MEF2B: variants seen among roughly 807,000 people sequenced by gnomAD.
MEF2B encodes myocyte-specific enhancer factor 2B.
A neutral mutation model predicts 32.2 loss-of-function variants in MEF2B; 15 were observed. That is an observed-to-expected ratio of 0.47 (90% confidence interval 0.31 to 0.72). MEF2B has a LOEUF of 0.72. Ranked by LOEUF, MEF2B falls within the 30% of genes least tolerant of loss-of-function variation. MEF2B has a pLI of 0.05. For missense variants in MEF2B, 441 were observed against 511.5 expected, an observed-to-expected ratio of 0.86 and a Z score of 1.33; for synonymous variants, 205 against 225.6, an observed-to-expected ratio of 0.91 and a Z score of 0.82.
chr19:19,156,579 A>G (rs1005655403), intron 1 of MEF2B, among the ~76,000 whole-genome samples: 3 of 152,170 alleles, frequency 2.0e-5, no homozygotes, highest in African/African-American at 7.2e-5. Flanking sequence ...TATTTTCTCA[A>G]ATCTCACAGA....
chr19:19,146,828 G>A lies in MEF2B; in HGVS notation c.589C>T (p.Pro197Ser), dbSNP rs2146351104. The A allele has an allele frequency of 2.5e-6, 4 of 1,613,824 alleles. No homozygotes were observed. The highest frequency in any genetic ancestry group is 3.4e-6 in the Non-Finnish European group (4 of 1,179,918). ...FSPSHLTSKT[P>S]PPLYLPTEGR... ...TCCGTCGGCAGGTACAGTGGGGGTG[G>A]TGTCTTGCTGGTGAGGTGGCTTGGT... is the stretch of plus-strand genomic sequence containing the variant. Residue 197 changes from proline to serine, a missense_variant, in exon 6 of 9, where the codon CCA (proline) becomes TCA (serine). Around this residue, in one of 2 missense-constraint regions of MEF2B, gnomAD observed 326 missense variants for 328.4 expected, o/e 0.99. Coordinates refer to ENST00000424583, the MANE Select transcript of MEF2B (RefSeq NM_001145785.2).
intron 1 of MEF2B, among the ~76,000 whole-genome samples, chr19:19,162,528 C>T (rs4471820): frequency 0.16 from 24,834 of 152,120 alleles, 2,314 homozygotes; most frequent in East Asian, 0.37. Flanking sequence ...GTGTTTGAAT[C>T]CAGGATTCTT....
Position 19,145,965 on chromosome 19 carries a change from G to T in MEF2B, c.939C>A (p.Thr313=). Reference sequence around the variant, plus strand: ...GCTCAGACTTGATGCTGACTGGGGGGGTCGGCGGGGAGGCGCCGCGGGTTG... The same window carrying T: ...GCTCAGACTTGATGCTGACTGGGGGTGTCGGCGGGGAGGCGCCGCGGGTTG... ...GPPTRGASPP[T]PPVSIKSERL... Residue 313 remains threonine, a synonymous_variant, in exon 9 of 9, where the codon ACC becomes ACA. Coordinates refer to ENST00000424583, the MANE Select transcript of MEF2B (RefSeq NM_001145785.2). This position sits in a 1 kb window ranked among gnomAD's most constrained non-coding sequence, Gnocchi z 4.6. 1 of 1,441,436 alleles carries T rather than the reference G, an allele frequency of 6.9e-7. No individual in the cohort carries two copies. The highest frequency in any genetic ancestry group is 9.1e-7 in the Non-Finnish European group (1 of 1,100,146). 89.3% of individuals were successfully genotyped at this position (1,441,436 alleles called of 1,614,324 possible).
chr19:19,168,268 CTTTTTTT>C (rs1050853160), intron 1 of MEF2B, among the ~76,000 whole-genome samples: 64 of 99,024 alleles, frequency 6.5e-4, no homozygotes, highest in African/African-American at 1.7e-3. Context: ...TTTCTTTCTT[CTTTTTTT>C]TTTTTTTTTT....
chr19:19,169,810 G>A (rs1313672828), intron 1 of MEF2B, among the ~76,000 whole-genome samples: 3 of 152,130 alleles, frequency 2.0e-5, no homozygotes, highest in Non-Finnish European at 2.9e-5. Context: ...ATAGGGTTGT[G>A]CACAGGGGAT....
At chr19:19,151,620 C>A (rs1248427535) in intron 1 of MEF2B, among the ~76,000 whole-genome samples, 1 of 152,192 alleles carries the variant, frequency 6.6e-6, no homozygotes, top group African/African-American at 2.4e-5. Context: ...CACCTCCCAG[C>A]CTCTACCATG....
Position 19,145,604 on chromosome 19 carries a change from T to G in MEF2B, c.*193A>C. 7.5e-7 allele frequency: 1 copy of G among 1,326,108 alleles called. No individual in the cohort carries two copies. Among genetic ancestry groups the G allele is most frequent in the Non-Finnish European group, 1.0e-6 (1 of 977,154 alleles). 82.1% of individuals were successfully genotyped at this position (1,326,108 alleles called of 1,614,324 possible). Reference sequence around the variant, plus strand: ...ACGCCACGCGCGTTTTATTTGTGGATATACACACAAATAGGAAGAAGGAAA... The same window carrying G: ...ACGCCACGCGCGTTTTATTTGTGGAGATACACACAAATAGGAAGAAGGAAA... On this transcript the variant is annotated 3_prime_UTR_variant, in exon 9 of 9. Coordinates refer to ENST00000424583, the MANE Select transcript of MEF2B (RefSeq NM_001145785.2). The surrounding 1 kb of genome is among the most constrained non-coding windows in gnomAD (Gnocchi z 4.6).
chr19:19,147,160 G>T lies in MEF2B; in HGVS notation c.417C>A (p.Ser139Arg). The change falls in exon 5 of 9, where the codon AGC becomes AGA. Residue 139 changes from serine to arginine, a missense_variant. By Grantham distance (110) the Ser-to-Arg change is moderately radical. Around this residue, in one of 2 missense-constraint regions of MEF2B, gnomAD observed 326 missense variants for 328.4 expected, o/e 0.99. Coordinates refer to ENST00000424583, the MANE Select transcript of MEF2B (RefSeq NM_001145785.2). ...RLYPAAPAMP[S>R]PDVVYGALPP... The stretch of plus-strand genomic sequence containing the variant: ...GTAAGGCCCCGTATACCACATCTGG[G>T]CTGGGCATAGCAGGAGCTGCAGGCT... 6.3e-7 allele frequency: 1 copy of T among 1,584,132 alleles called. No homozygotes were observed. Among genetic ancestry groups the T allele is most frequent in the Non-Finnish European group, 8.6e-7 (1 of 1,165,690 alleles).
intron 1 of MEF2B, among the ~76,000 whole-genome samples, chr19:19,152,251 C>G (rs2060088795): frequency 6.6e-6 from 1 of 151,634 alleles, no homozygotes; most frequent in African/African-American, 2.4e-5. Context: ...ATCCTACCCA[C>G]CCCATCTCTA....
intron 1 of MEF2B, among the ~76,000 whole-genome samples, chr19:19,161,452 A>G (rs549447012): frequency 6.6e-6 from 1 of 152,116 alleles, no homozygotes; most frequent in African/African-American, 2.4e-5. Context: ...AAATACATGC[A>G]GTTCACGATA....
At chr19:19,152,652 C>G (rs187355284) in intron 1 of MEF2B, among the ~76,000 whole-genome samples, 82 of 152,262 alleles carry the variant, frequency 5.4e-4, no homozygotes, top group African/African-American at 1.9e-3. Flanking sequence ...TGCAGTGAGC[C>G]GAGATCCCGA....
rs2060022241 is a variant in MEF2B at position 19,145,996 on chromosome 19, C to T, written c.908G>A (p.Gly303Asp). 2 of 1,431,748 alleles carry T rather than the reference C, an allele frequency of 1.4e-6. No homozygotes were observed. Among genetic ancestry groups the T allele is most frequent in the Non-Finnish European group, 1.8e-6 (2 of 1,093,918 alleles). The allele number at this position is 1,431,748 out of a possible 1,614,324, so 88.7% of individuals were successfully genotyped here. A position where few individuals can be genotyped will look rare whatever the true frequency, so the allele number is the denominator to read the frequency against. ...PSGGRSLGEE[G>D]PPTRGASPPT... is the part of the protein sequence containing the mutation. ...CGGGGAGGCGCCGCGGGTTGGGGGACCCTCCTCGCCCAGGCTTCGGCCCCC... is the reference window on the plus strand; with the variant it reads ...CGGGGAGGCGCCGCGGGTTGGGGGATCCTCCTCGCCCAGGCTTCGGCCCCC... Residue 303 changes from glycine (G) to aspartate (D), a missense_variant, in exon 9 of 9, where the codon GGT becomes GAT. Coordinates refer to ENST00000424583, the MANE Select transcript of MEF2B (RefSeq NM_001145785.2). This position sits in a 1 kb window ranked among gnomAD's most constrained non-coding sequence, Gnocchi z 4.6.
intron 1 of MEF2B, among the ~76,000 whole-genome samples, chr19:19,164,419 T>A (rs2060190700): frequency 6.6e-6 from 1 of 152,134 alleles, no homozygotes; most frequent in African/African-American, 2.4e-5. Flanking sequence ...GCCAAGGAAC[T>A]GGCCCTCTGA....
intron 1 of MEF2B, among the ~76,000 whole-genome samples, chr19:19,168,220 C>T (rs2060224639): frequency 2.0e-5 from 3 of 151,076 alleles, no homozygotes; most frequent in Admixed American, 1.3e-4. Flanking sequence ...AGGGATGATT[C>T]TTGGCCAGGC....
chr19:19,148,183 G>A (rs2238665), intron 3 of MEF2B, among the ~76,000 whole-genome samples: 7,861 of 152,356 alleles, frequency 0.052, 358 homozygotes, highest in East Asian at 0.24. Flanking sequence ...TGCTTAAGAG[G>A]CCGGGCGCGG....
intron 1 of MEF2B, among the ~76,000 whole-genome samples, chr19:19,168,017 T>C (rs2060223308): frequency 6.6e-6 from 1 of 152,200 alleles, no homozygotes; most frequent in Non-Finnish European, 1.5e-5. Flanking sequence ...GCTTCCCCCT[T>C]TACTGAACAA....
chr19:19,160,569 C>A (rs1013308869), intron 1 of MEF2B, among the ~76,000 whole-genome samples: 1 of 151,100 alleles, frequency 6.6e-6, no homozygotes, highest in African/African-American at 2.4e-5. Flanking sequence ...CGCAGGGAGG[C>A]CACGGCTTGG....
intron 1 of MEF2B, among the ~76,000 whole-genome samples, chr19:19,164,669 C>T (rs547920404): frequency 7.2e-5 from 11 of 152,206 alleles, no homozygotes; most frequent in Non-Finnish European, 1.5e-4. Context: ...CAAAAATTAG[C>T]CGGGCATGAT....
In MEF2B at chr19:19,147,193, G is replaced by T; in HGVS notation, c.394-10C>A. ...TAGCAGGAGCTGCAGGCTGTGGGTA[G>T]AGAAGGGATGGGTCAGAGGACCCCA... On this transcript the variant is annotated splice_polypyrimidine_tract_variant and intron_variant, in intron 4 of 8. Coordinates refer to ENST00000424583, the MANE Select transcript of MEF2B (RefSeq NM_001145785.2). The T allele has an allele frequency of 6.4e-7, 1 of 1,564,338 alleles. No homozygotes were observed. Among genetic ancestry groups the T allele is most frequent in the Non-Finnish European group, 8.7e-7 (1 of 1,155,274 alleles).
Sources: gnomAD v4.1 joint callset for allele counts (sites outside exome capture counted in the v4.1 genomes callset) on GRCh38, gnomAD v4.1.1 for gene constraint, gnomAD v4.1.1 regional missense constraint, Gnocchi (gnomAD v3.1) non-coding constraint, MANE v1.5 for transcripts, NCBI Gene and HGNC (gene_info 2026-07-23, HGNC 2026-07-21) for gene names.